Variants in RANBP2 observed in about 807,000 individuals in gnomAD.
RANBP2 encodes E3 SUMO-protein ligase RanBP2.
In RANBP2, 57 loss-of-function variants were observed where a neutral mutation model predicts 303.6. That is an observed-to-expected ratio of 0.19 (90% CI 0.15 to 0.23). The LOEUF is 0.23. Ranked by LOEUF, RANBP2 falls within the 10% of genes least tolerant of loss-of-function variation. RANBP2 has a pLI of 1.00. For synonymous variants in RANBP2, 1,167 were observed against 1,301.5 expected, an observed-to-expected ratio of 0.90 and a Z score of 2.23; for missense variants, 3,138 against 3,780.8, an observed-to-expected ratio of 0.83 and a Z score of 4.46.
the RANBP2 span, among the ~76,000 whole-genome samples, chr2:109,061,636 T>C: frequency 1.3e-5 from 2 of 152,188 alleles, no homozygotes; most frequent in Admixed American, 6.5e-5. Flanking sequence ...ATAAATGCAA[T>C]AATAAGTGCA....
At chr2:108,776,301 A>C (rs533269811) in intron 24 of RANBP2, among the ~76,000 whole-genome samples, 24 of 152,282 alleles carry the variant, frequency 1.6e-4, no homozygotes, top group African/African-American at 5.8e-4. Context: ...TTTAATTATG[A>C]AGGAATTGTA....
chr2:109,698,934 AAG>A, the RANBP2 span, among the ~76,000 whole-genome samples: 1 of 152,202 alleles, frequency 6.6e-6, no homozygotes, highest in East Asian at 1.9e-4. Context: ...AAAAGAAAGA[AAG>A]AGCATTGTAC....
At chr2:109,612,769 T>C in the RANBP2 span, among the ~76,000 whole-genome samples, 40 of 152,082 alleles carry the variant, frequency 2.6e-4, no homozygotes, top group African/African-American at 9.6e-4. Context: ...AGACAGAAAA[T>C]TTGAGATTTT....
At chr2:108,970,406 G>C in the RANBP2 span, among the ~76,000 whole-genome samples, 3 of 152,138 alleles carry the variant, frequency 2.0e-5, no homozygotes, top group African/African-American at 7.2e-5. Flanking sequence ...GTTCACCTAG[G>C]AGTCTGTTTC....
the RANBP2 span, among the ~76,000 whole-genome samples, chr2:109,007,214 T>G: frequency 3.9e-5 from 6 of 152,254 alleles, no homozygotes; most frequent in Non-Finnish European, 7.3e-5. Flanking sequence ...GTGTTTTAAG[T>G]TAAAGGGGTT....
At chr2:109,619,459 G>A in the RANBP2 span, among the ~76,000 whole-genome samples, 1 of 152,190 alleles carries the variant, frequency 6.6e-6, no homozygotes, top group Non-Finnish European at 1.5e-5. Flanking sequence ...AGCATTGAGA[G>A]TTAATTACCT....
At chr2:109,164,346 C>T in the RANBP2 span, among the ~76,000 whole-genome samples, 5 of 152,120 alleles carry the variant, frequency 3.3e-5, no homozygotes, top group Non-Finnish European at 7.3e-5. Flanking sequence ...CAACCCCTGG[C>T]TAATTTTTAA....
chr2:109,011,429 G>T, the RANBP2 span, among the ~76,000 whole-genome samples: 5 of 152,078 alleles, frequency 3.3e-5, no homozygotes, highest in Non-Finnish European at 5.9e-5. Flanking sequence ...CTGATTCCTG[G>T]TCTTTGTATG....
chr2:109,272,383 G>A, the RANBP2 span, among the ~76,000 whole-genome samples: 10 of 152,238 alleles, frequency 6.6e-5, no homozygotes, highest in African/African-American at 2.4e-4. Context: ...AAGCAGGACT[G>A]TGCAGGCACC....
the RANBP2 span, among the ~76,000 whole-genome samples, chr2:109,034,831 G>A: frequency 1.3e-5 from 2 of 152,170 alleles, no homozygotes; most frequent in Non-Finnish European, 2.9e-5. Context: ...CACTGTGAGT[G>A]TTCAATAACC....
At chr2:109,018,265 A>G in the RANBP2 span, among the ~76,000 whole-genome samples, 1 of 152,160 alleles carries the variant, frequency 6.6e-6, no homozygotes, top group Non-Finnish European at 1.5e-5. Flanking sequence ...CAGACCCAGC[A>G]CTTAAGATCC....
the RANBP2 span, among the ~76,000 whole-genome samples, chr2:109,179,335 A>T: frequency 6.6e-6 from 1 of 152,198 alleles, no homozygotes; most frequent in Non-Finnish European, 1.5e-5. Context: ...GCTGACAGTG[A>T]GTCCAGACTC....
the RANBP2 span, among the ~76,000 whole-genome samples, chr2:108,796,171 C>A: frequency 1.3e-5 from 2 of 152,110 alleles, no homozygotes; most frequent in African/African-American, 4.8e-5. Context: ...GCCTCAGCCT[C>A]CCGAGTAGCT....
the RANBP2 span, among the ~76,000 whole-genome samples, chr2:109,173,514 A>C: frequency 6.6e-6 from 1 of 152,188 alleles, no homozygotes; most frequent in Non-Finnish European, 1.5e-5. Flanking sequence ...CACTGCCTGC[A>C]GGCTATGTAT....
At chr2:108,979,636 C>T in the RANBP2 span, among the ~76,000 whole-genome samples, 1 of 152,046 alleles carries the variant, frequency 6.6e-6, no homozygotes. Context: ...GAAGAGAAGC[C>T]CCTCCTGCCT....
Position 108,784,068 on chromosome 2 carries a change from C to G in RANBP2, c.*167C>G, listed in dbSNP as rs1678447989. On this transcript the variant is annotated 3_prime_UTR_variant, in exon 29 of 29. Transcript: ENST00000283195. ...CACTTTTTAATGTGTTATAATTGACCTTGCATGGTGTGAAATAAAAGTTTA... is the reference window on the plus strand; with the variant it reads ...CACTTTTTAATGTGTTATAATTGACGTTGCATGGTGTGAAATAAAAGTTTA... The G allele has an allele frequency of 3.0e-6, 2 of 656,908 alleles. No individual in the cohort carries two copies. Among genetic ancestry groups the G allele is most frequent in the Non-Finnish European group, 5.1e-6 (2 of 392,724 alleles). 40.7% of individuals were successfully genotyped at this position (656,908 alleles called of 1,614,324 possible).
the RANBP2 span, among the ~76,000 whole-genome samples, chr2:109,705,179 C>A: frequency 6.6e-6 from 1 of 151,764 alleles, no homozygotes. Flanking sequence ...CTGAGGCGGG[C>A]GGATCCCCTG....
At chr2:109,644,194 C>T in the RANBP2 span, among the ~76,000 whole-genome samples, 1 of 151,350 alleles carries the variant, frequency 6.6e-6, no homozygotes, top group Non-Finnish European at 1.5e-5. Context: ...GTAGTCCCAG[C>T]TACTCCGGAG....
chr2:108,881,215 C>T, the RANBP2 span, among the ~76,000 whole-genome samples: 1 of 152,244 alleles, frequency 6.6e-6, no homozygotes, highest in African/African-American at 2.4e-5. Flanking sequence ...GCAGCTTCTA[C>T]ACCAGCACTT....
Sources: allele counts gnomAD v4.1 joint callset (sites outside exome capture counted in the v4.1 genomes callset), GRCh38; gene constraint gnomAD v4.1.1; transcripts MANE v1.5; gene names NCBI Gene and HGNC (gene_info 2026-07-23, HGNC 2026-07-21).